Variants in CDYL observed in about 807,000 individuals in gnomAD.
CDYL encodes chromodomain Y-like protein.
In CDYL, 8 loss-of-function variants were observed where a neutral mutation model predicts 47.3. The ratio of observed to expected loss-of-function variants is 0.17; its 90% CI spans 0.10 to 0.31. The LOEUF (loss-of-function observed/expected upper bound fraction) is 0.31, where lower values mean the gene tolerates loss of function less well. Among genes scored for constraint, CDYL ranks in the 10% least tolerant of loss-of-function variants. The pLI, the probability that CDYL is intolerant of heterozygous loss-of-function variation, is 1.00. For missense variants in CDYL, 471 were observed against 701.4 expected, an observed-to-expected ratio of 0.67 and a Z score of 3.71; for synonymous variants, 266 against 265.0, an observed-to-expected ratio of 1.00 and a Z score of -0.04.
intron 3 of CDYL, among the ~76,000 whole-genome samples, chr6:4,768,951 A>G (rs1204380548): frequency 6.6e-6 from 1 of 152,204 alleles, no homozygotes; most frequent in Non-Finnish European, 1.5e-5. Flanking sequence ...TCATGAGACA[A>G]ATATCAGACA....
At position 4,898,727 on chromosome 6, in the gene CDYL, G is replaced by A. The variant is rs558312898; in HGVS notation, c.691+6348G>A. On this transcript the variant is annotated intron_variant, in intron 2 of 6. Transcript: ENST00000397588. ...GTGCAGAGTTTCAGGCATAGAGCCCGTAGAGAAGATGCTCTTGTCCAGCTG... is the reference window on the plus strand; with the variant it reads ...GTGCAGAGTTTCAGGCATAGAGCCCATAGAGAAGATGCTCTTGTCCAGCTG... 1.5e-4 allele frequency among the ~76,000 whole-genome samples: 23 copies of A among 152,288 alleles called. No individual in the cohort carries two copies. In the South Asian group the frequency reaches 3.3e-3, roughly 22 times the overall value.
intron 1 of CDYL, among the ~76,000 whole-genome samples, chr6:4,861,457 C>G (rs1761167059): frequency 6.6e-6 from 1 of 152,192 alleles, no homozygotes; most frequent in South Asian, 2.1e-4. Flanking sequence ...AGCTCCACTT[C>G]CCCGCATCAG....
chr6:4,831,790 C>T (rs1041823890), intron 1 of CDYL, among the ~76,000 whole-genome samples: 2 of 152,210 alleles, frequency 1.3e-5, no homozygotes, highest in African/African-American at 2.4e-5. Context: ...AGACCCTTCA[C>T]GTCCGTTGTA....
intron 1 of CDYL, among the ~76,000 whole-genome samples, chr6:4,865,983 G>C (rs1360595705): frequency 6.6e-6 from 1 of 152,122 alleles, no homozygotes; most frequent in Non-Finnish European, 1.5e-5. Flanking sequence ...TAAAATACAA[G>C]AGACATTCAA....
intron 1 of CDYL, among the ~76,000 whole-genome samples, chr6:4,870,798 A>AT (rs1208817272): frequency 6.6e-6 from 1 of 152,012 alleles, no homozygotes; most frequent in Non-Finnish European, 1.5e-5. Context: ...CCATCATTGG[A>AT]TTTTTAAACT....
chr6:4,945,366 G>A (rs192141560), intron 5 of CDYL, among the ~76,000 whole-genome samples: 16 of 152,232 alleles, frequency 1.1e-4, no homozygotes, highest in Admixed American at 6.5e-4. Flanking sequence ...AGAGGAGGAG[G>A]AAGGTGACTA....
chr6:4,944,733 G>A (rs551979655), intron 5 of CDYL, among the ~76,000 whole-genome samples: 1 of 152,334 alleles, frequency 6.6e-6, no homozygotes, highest in South Asian at 2.1e-4. Flanking sequence ...TAACCTGGAT[G>A]TTATAATCAG....
intron 2 of CDYL, among the ~76,000 whole-genome samples, chr6:4,897,229 A>C (rs1762310630): frequency 6.6e-6 from 1 of 152,252 alleles, no homozygotes; most frequent in Non-Finnish European, 1.5e-5. Context: ...AATTTCAGAA[A>C]ATGCTATTAG....
intron 1 of CDYL, among the ~76,000 whole-genome samples, chr6:4,813,686 T>G (rs965368816): frequency 2.0e-5 from 3 of 152,222 alleles, no homozygotes; most frequent in Non-Finnish European, 4.4e-5. Context: ...AGAATCTAAT[T>G]AGTTGTTTCT....
chr6:4,760,978 T>G (rs1003964505), intron 3 of CDYL, among the ~76,000 whole-genome samples: 1 of 152,174 alleles, frequency 6.6e-6, no homozygotes, highest in Non-Finnish European at 1.5e-5. Flanking sequence ...GTTCTCAATT[T>G]GATGCAAAGT....
chr6:4,845,350 A>G lies in CDYL; in HGVS notation c.25-46363A>G, dbSNP rs529381531. On this transcript the variant is annotated intron_variant, in intron 1 of 6. Coordinates refer to ENST00000397588, the MANE Select transcript of CDYL (RefSeq NM_004824.4). ...TTTGCGATGCCTGGATTGGTTTTCA[A>G]AGTAGTTTTTTGAAGGCTAAATGAG... 4.6e-5 allele frequency among the ~76,000 whole-genome samples: 7 copies of G among 152,338 alleles called. No individual in the cohort carries two copies. In the South Asian group the frequency reaches 1.2e-3, roughly 27 times the overall value.
At chr6:4,708,376 T>C (rs1442372251) in intron 1 of CDYL, among the ~76,000 whole-genome samples, 1 of 152,124 alleles carries the variant, frequency 6.6e-6, no homozygotes, top group African/African-American at 2.4e-5. Flanking sequence ...TCCAGGCTGA[T>C]CTCAAACTCC....
At chr6:4,901,693 G>A (rs548579086) in intron 2 of CDYL, among the ~76,000 whole-genome samples, 7 of 152,100 alleles carry the variant, frequency 4.6e-5, no homozygotes, top group African/African-American at 1.4e-4. Flanking sequence ...TTTTATAAGC[G>A]TAATTGATTT....
intron 2 of CDYL, among the ~76,000 whole-genome samples, chr6:4,901,458 A>G (rs1757051693): frequency 6.6e-6 from 1 of 152,154 alleles, no homozygotes; most frequent in Non-Finnish European, 1.5e-5. Flanking sequence ...CAGGCTCTCT[A>G]GCCTCTTCCG....
intron 2 of CDYL, among the ~76,000 whole-genome samples, chr6:4,898,751 T>C (rs578083527): frequency 1.8e-4 from 27 of 152,342 alleles, no homozygotes; most frequent in African/African-American, 6.0e-4. Context: ...CTTGTCCAGC[T>C]GGAGCCAGTC....
intron 1 of CDYL, chr6:4,890,239 A>G: frequency 1.3e-6 from 1 of 786,476 alleles, no homozygotes; most frequent in Non-Finnish European, 1.5e-6. Context: ...AACGTCATCT[A>G]TGTGGACTTT....
At chr6:4,945,585 A>G (rs1381666631) in intron 5 of CDYL, among the ~76,000 whole-genome samples, 1 of 152,214 alleles carries the variant, frequency 6.6e-6, no homozygotes, top group Non-Finnish European at 1.5e-5. Flanking sequence ...CTTAACTGCT[A>G]TAGTTGATCA....
rs750049821 is a variant in CDYL at position 4,937,591 on chromosome 6, G to A, written c.975G>A (p.Leu325=). The change falls in exon 4 of 7, where the codon CTG becomes CTA. Residue 325 remains leucine, a synonymous_variant. Coordinates refer to ENST00000397588, the MANE Select transcript of CDYL (RefSeq NM_004824.4). ...PEVMREVQSA[L]STAAADDSKL... ...TAATGAGAGAAGTCCAGAGTGCTCTGAGCACGGCCGCTGCCGATGACAGCA... is the reference window on the plus strand; with the variant it reads ...TAATGAGAGAAGTCCAGAGTGCTCTAAGCACGGCCGCTGCCGATGACAGCA... 1.3e-6 allele frequency: 2 copies of A among 1,593,456 alleles called. No individual in the cohort carries two copies. Among genetic ancestry groups the A allele is most frequent in the Non-Finnish European group, 8.5e-7 (1 of 1,171,200 alleles).
rs533725062 is a variant in CDYL at position 4,954,801 on chromosome 6, T to G, written c.*745T>G. On this transcript the variant is annotated 3_prime_UTR_variant, in exon 7 of 7. Coordinates refer to ENST00000397588, the MANE Select transcript of CDYL (RefSeq NM_004824.4). The stretch of plus-strand genomic sequence containing the variant: ...AGTGAATCACTGAATAGCTTAAGTA[T>G]GACTATCTAAGTTATAAGTTAGTCT... 6.6e-6 allele frequency: 1 copy of G among 152,348 alleles called. No individual in the cohort carries two copies. The highest frequency in any genetic ancestry group is 1.9e-4 in the East Asian group (1 of 5,180). The allele number at this position is 152,348 out of a possible 1,614,324, so 9.4% of individuals were successfully genotyped here. A position where few individuals can be genotyped will look rare whatever the true frequency, so the allele number is the denominator to read the frequency against.
Sources: gnomAD v4.1 joint callset for allele counts (sites outside exome capture counted in the v4.1 genomes callset) on GRCh38, gnomAD v4.1.1 for gene constraint, MANE v1.5 for transcripts, NCBI Gene and HGNC (gene_info 2026-07-23, HGNC 2026-07-21) for gene names.